MAST4: variants seen among roughly 807,000 people sequenced by gnomAD.
The protein encoded by MAST4 is microtubule-associated serine/threonine-protein kinase 4.
Under a neutral mutation model 162.7 loss-of-function variants are expected in MAST4, and 89 were observed. The ratio of observed to expected loss-of-function variants is 0.55; its 90% CI spans 0.46 to 0.65. MAST4 has a LOEUF of 0.65. MAST4 is among the 30% of genes least tolerant of loss of function. The probability of loss-of-function intolerance (pLI) is 0.00; values close to 1 mark genes in which losing one functional copy is unlikely to be tolerated. For missense variants in MAST4, 3,153 were observed against 3,374.0 expected (o/e 0.93, Z 1.62); for synonymous variants, 1,479 against 1,361.1 (o/e 1.09, Z -1.91).
chr5:67,001,459 A>T (rs1345882292), intron 4 of MAST4: 2 of 152,182 alleles, frequency 1.3e-5, no homozygotes, highest in Non-Finnish European at 2.9e-5. Flanking sequence ...CAAAAAAAAA[A>T]AATAAATTTA....
At chr5:66,828,926 C>G (rs1436048394) in intron 3 of MAST4, 1 of 1,472,010 alleles carries the variant, frequency 6.8e-7, no homozygotes, top group South Asian at 1.2e-5. Context: ...TGTCAGTGGC[C>G]AGCCATTGAG....
intron 1 of MAST4, among the ~76,000 whole-genome samples, chr5:66,712,034 A>G (rs1750531432): frequency 6.6e-6 from 1 of 152,160 alleles, no homozygotes. Flanking sequence ...TGTTGTGTGA[A>G]GATACTATCA....
At chr5:66,786,292 C>T (rs1165993338) in intron 2 of MAST4, among the ~76,000 whole-genome samples, 3 of 150,448 alleles carry the variant, frequency 2.0e-5, no homozygotes, top group South Asian at 2.1e-4. Flanking sequence ...TTTTAATCTA[C>T]GTTCAGTTTT....
chr5:66,885,632 A>G (rs896401193), intron 3 of MAST4, among the ~76,000 whole-genome samples: 2 of 152,338 alleles, frequency 1.3e-5, no homozygotes, highest in Middle Eastern at 3.4e-3. Context: ...TTGCCCAGGT[A>G]ATCCATTTTG....
At chr5:66,992,168 G>T (rs1750135828) in intron 4 of MAST4, among the ~76,000 whole-genome samples, 1 of 152,090 alleles carries the variant, frequency 6.6e-6, no homozygotes, top group South Asian at 2.1e-4. Context: ...CGTAATACAG[G>T]TGCACTTTTT....
At chr5:67,050,899 G>A (rs1436687810) in intron 4 of MAST4, among the ~76,000 whole-genome samples, 1 of 152,170 alleles carries the variant, frequency 6.6e-6, no homozygotes, top group African/African-American at 2.4e-5. Flanking sequence ...GGGCTTTCAC[G>A]TCGGAGCATG....
chr5:66,832,511 G>T (rs185784653), intron 3 of MAST4, among the ~76,000 whole-genome samples: 1 of 151,846 alleles, frequency 6.6e-6, no homozygotes, highest in Non-Finnish European at 1.5e-5. Context: ...CTGATTTTCC[G>T]CTGGCCTTGG....
chr5:66,604,923 T>A (rs1490787996), intron 1 of MAST4, among the ~76,000 whole-genome samples: 1 of 152,240 alleles, frequency 6.6e-6, no homozygotes, highest in African/African-American at 2.4e-5. Flanking sequence ...TCACTGAGAC[T>A]GACATTCACA....
At chr5:66,797,816 G>C (rs112590424) in intron 3 of MAST4, among the ~76,000 whole-genome samples, 2 of 152,302 alleles carry the variant, frequency 1.3e-5, no homozygotes, top group African/African-American at 4.8e-5. Context: ...AGTGTGATGG[G>C]TGGGGAGTGG....
At chr5:66,750,420 C>T (rs1028338535) in intron 1 of MAST4, among the ~76,000 whole-genome samples, 7 of 152,192 alleles carry the variant, frequency 4.6e-5, no homozygotes, top group African/African-American at 1.2e-4. Context: ...AGACAGTGGG[C>T]GCAGGTCAGT....
chr5:66,753,151 AGT>A (rs2149597996), intron 1 of MAST4, among the ~76,000 whole-genome samples: 1 of 152,254 alleles, frequency 6.6e-6, no homozygotes, highest in Admixed American at 6.5e-5. Context: ...CATTCAAAGC[AGT>A]GTGTAGAGGG....
intron 2 of MAST4, among the ~76,000 whole-genome samples, chr5:66,785,232 A>AAAAAC (rs1193228316): frequency 6.6e-6 from 1 of 152,204 alleles, no homozygotes; most frequent in African/African-American, 2.4e-5. Context: ...CCCTGTCTCA[A>AAAAAC]AAAACAAAAC....
At chr5:66,822,578 G>A (rs1417044826) in intron 3 of MAST4, among the ~76,000 whole-genome samples, 2 of 152,164 alleles carry the variant, frequency 1.3e-5, no homozygotes, top group Non-Finnish European at 2.9e-5. Flanking sequence ...GTAGAAAGAA[G>A]CCTGTTTCTG....
At chr5:66,625,658 T>A (rs144271319) in intron 1 of MAST4, among the ~76,000 whole-genome samples, 16 of 152,236 alleles carry the variant, frequency 1.1e-4, no homozygotes, top group African/African-American at 3.9e-4. Flanking sequence ...TTGGCGAGGA[T>A]ATGGAGAAAT....
chr5:67,144,925 C>G, intron 22 of MAST4, 129 bp downstream of exon 22: 3 of 1,188,144 alleles, frequency 2.5e-6, no homozygotes, highest in South Asian at 1.6e-5. Context: ...AGTTTCTCAT[C>G]CAGTAGATCT....
chr5:66,707,815 A>G (rs1443883722), intron 1 of MAST4, among the ~76,000 whole-genome samples: 1 of 152,140 alleles, frequency 6.6e-6, no homozygotes, highest in Non-Finnish European at 1.5e-5. Flanking sequence ...ACTGATGGAA[A>G]CCAAGGGCAG....
chr5:66,628,232 G>T (rs528458919), intron 1 of MAST4, among the ~76,000 whole-genome samples: 37 of 151,724 alleles, frequency 2.4e-4, no homozygotes, highest in African/African-American at 8.5e-4. Flanking sequence ...TGGGATTTCC[G>T]TATGTTGCCT....
Position 66,909,125 on chromosome 5 carries a change from G to A in MAST4, c.674+9143G>A, listed in dbSNP as rs1357973830. 2.0e-5 allele frequency among the ~76,000 whole-genome samples: 3 copies of A among 152,136 alleles called. No individual in the cohort carries two copies. The East Asian group carries it at 5.8e-4, about 29-fold the overall frequency. The stretch of plus-strand genomic sequence containing the variant: ...GAAGTCCCCTTAAAGCCAGATCATT[G>A]GAGTAGCATTTTCTCAGGGGCTGTT... On this transcript the variant is annotated intron_variant, in intron 4 of 28. Coordinates refer to ENST00000403625, the MANE Select transcript of MAST4 (RefSeq NM_001164664.2).
intron 1 of MAST4, among the ~76,000 whole-genome samples, chr5:66,610,082 C>T (rs1319560162): frequency 6.6e-6 from 1 of 152,018 alleles, no homozygotes; most frequent in Non-Finnish European, 1.5e-5. Context: ...TACTTTTGCA[C>T]CACCCTAATG....
Sources: allele counts gnomAD v4.1 joint callset (sites outside exome capture counted in the v4.1 genomes callset), GRCh38; gene constraint gnomAD v4.1.1; transcripts MANE v1.5; gene names NCBI Gene and HGNC (gene_info 2026-07-23, HGNC 2026-07-21).